FRMD4A: variants seen among roughly 807,000 people sequenced by gnomAD.
The protein encoded by FRMD4A is FERM domain-containing protein 4A.
Under a neutral mutation model 129.1 loss-of-function variants are expected in FRMD4A, and 29 were observed. That is an observed-to-expected ratio of 0.22 (90% confidence interval 0.17 to 0.31). The LOEUF is 0.31. FRMD4A is among the 10% of genes least tolerant of loss of function. The pLI is 1.00. For synonymous variants in FRMD4A, 634 were observed against 571.6 expected (o/e 1.11, Z -1.56); for missense variants, 1,272 against 1,375.8 (o/e 0.92, Z 1.19).
chr10:13,872,275 T>C (rs2094446716), intron 2 of FRMD4A, among the ~76,000 whole-genome samples: 1 of 152,174 alleles, frequency 6.6e-6, no homozygotes, highest in African/African-American at 2.4e-5. Flanking sequence ...GGCATTGGGA[T>C]GGCTGTCTTC....
intron 2 of FRMD4A, among the ~76,000 whole-genome samples, chr10:14,314,573 G>A (rs1412414711): frequency 6.6e-6 from 1 of 152,090 alleles, no homozygotes; most frequent in Non-Finnish European, 1.5e-5. Flanking sequence ...TCCTCTTTCT[G>A]CTTTTGGACA....
chr10:13,865,663 G>A (rs1256147474), intron 2 of FRMD4A, among the ~76,000 whole-genome samples: 1 of 151,200 alleles, frequency 6.6e-6, no homozygotes, highest in African/African-American at 2.4e-5. Context: ...GTAAATTCTT[G>A]GACTCCAGTG....
chr10:13,789,402 TCAAATTCTGAAGAGG>T (rs1355614111), intron 5 of FRMD4A, among the ~76,000 whole-genome samples: 1 of 152,178 alleles, frequency 6.6e-6, no homozygotes, highest in African/African-American at 2.4e-5. Flanking sequence ...TCTGTGAAAC[TCAAATTCTGAAGAGG>T]CAAATCTAAT....
intron 2 of FRMD4A, among the ~76,000 whole-genome samples, chr10:14,167,538 CAAAAAAAAAAAAAAAA>C (rs59290414): frequency 1.7e-5 from 1 of 57,580 alleles, no homozygotes; most frequent in Non-Finnish European, 2.9e-5. Flanking sequence ...CTCCGTCTCT[CAAAAAAAAAAAAAAAA>C]AAAAAAAAAG....
intron 2 of FRMD4A, among the ~76,000 whole-genome samples, chr10:14,314,232 G>A (rs747240525): frequency 3.3e-5 from 5 of 151,864 alleles, no homozygotes; most frequent in African/African-American, 7.2e-5. Context: ...TTGCCACCTC[G>A]CATGCAAGAA....
chr10:13,997,630 T>C (rs1414567394), intron 2 of FRMD4A, among the ~76,000 whole-genome samples: 128 of 151,284 alleles, frequency 8.5e-4, no homozygotes, highest in African/African-American at 2.9e-3. Context: ...TTTTCTTTTT[T>C]TTTTTTTTTT....
intron 2 of FRMD4A, among the ~76,000 whole-genome samples, chr10:14,135,878 T>C (rs1271096702): frequency 6.6e-6 from 1 of 152,216 alleles, no homozygotes; most frequent in Non-Finnish European, 1.5e-5. Flanking sequence ...AAATTATTCC[T>C]GGTATTAGGA....
intron 4 of FRMD4A, among the ~76,000 whole-genome samples, chr10:13,805,447 A>C (rs1394637721): frequency 1.3e-5 from 2 of 151,900 alleles, no homozygotes; most frequent in South Asian, 2.1e-4. Context: ...TTAAAAAAAA[A>C]CCCCCAAAAA....
At chr10:13,924,227 T>C (rs981993111) in intron 2 of FRMD4A, among the ~76,000 whole-genome samples, 5 of 152,204 alleles carry the variant, frequency 3.3e-5, no homozygotes, top group African/African-American at 9.6e-5. Flanking sequence ...GTCCATGCCA[T>C]GGCCTGAGTA....
chr10:14,207,876 A>T (rs866189665), intron 2 of FRMD4A, among the ~76,000 whole-genome samples: 1 of 152,202 alleles, frequency 6.6e-6, no homozygotes, highest in African/African-American at 2.4e-5. Context: ...AATCAGAAGA[A>T]GTCAGTATAA....
chr10:14,088,985 T>C (rs920705957), intron 2 of FRMD4A, among the ~76,000 whole-genome samples: 2 of 151,576 alleles, frequency 1.3e-5, no homozygotes, highest in Non-Finnish European at 2.9e-5. Flanking sequence ...CTGCCTGTAA[T>C]AATAAGCCTG....
intron 2 of FRMD4A, among the ~76,000 whole-genome samples, chr10:14,080,591 C>T (rs1029894379): frequency 6.6e-6 from 1 of 152,076 alleles, no homozygotes; most frequent in African/African-American, 2.4e-5. Context: ...TGGTTTGCTG[C>T]ATCAGATGGC....
intron 5 of FRMD4A, among the ~76,000 whole-genome samples, chr10:13,784,195 G>C (rs2092800789): frequency 6.6e-6 from 1 of 152,184 alleles, no homozygotes; most frequent in Non-Finnish European, 1.5e-5. Flanking sequence ...CAGTTTTCTA[G>C]AATAGTGTTA....
intron 12 of FRMD4A, among the ~76,000 whole-genome samples, chr10:13,712,779 C>T (rs995928001): frequency 1.3e-5 from 2 of 152,212 alleles, no homozygotes; most frequent in African/African-American, 2.4e-5. Context: ...CACTTATCCA[C>T]GGAGTGCAAA....
intron 2 of FRMD4A, among the ~76,000 whole-genome samples, chr10:13,902,256 T>C (rs1255763275): frequency 6.6e-6 from 1 of 152,140 alleles, no homozygotes; most frequent in Non-Finnish European, 1.5e-5. Context: ...ACTCAAGTGA[T>C]CCTCATGCCT....
chr10:13,700,592 T>C (rs1351872756), intron 14 of FRMD4A, among the ~76,000 whole-genome samples: 1 of 151,972 alleles, frequency 6.6e-6, no homozygotes, highest in African/African-American at 2.4e-5. Context: ...GGAGAATGAA[T>C]GGGAGTGGCT....
chr10:14,092,704 A>G (rs1480989273), intron 2 of FRMD4A, among the ~76,000 whole-genome samples: 1 of 152,202 alleles, frequency 6.6e-6, no homozygotes, highest in African/African-American at 2.4e-5. Context: ...GGCCCTGGAG[A>G]TGGTGATACT....
intron 2 of FRMD4A, among the ~76,000 whole-genome samples, chr10:13,987,702 A>G (rs2095586744): frequency 6.6e-6 from 1 of 152,200 alleles, no homozygotes. Flanking sequence ...CCCGACCACG[A>G]GGAAACTGCA....
At chr10:14,231,299 T>G (rs1403396155) in intron 2 of FRMD4A, among the ~76,000 whole-genome samples, 1 of 152,196 alleles carries the variant, frequency 6.6e-6, no homozygotes, top group Non-Finnish European at 1.5e-5. Context: ...TTTTTTGACT[T>G]TTTCATAATA....
Sources: allele counts gnomAD v4.1 joint callset (sites outside exome capture counted in the v4.1 genomes callset), GRCh38; gene constraint gnomAD v4.1.1; transcripts MANE v1.5; gene names NCBI Gene and HGNC (gene_info 2026-07-23, HGNC 2026-07-21).